Variants in SELENOI observed in about 807,000 individuals in gnomAD.
The protein encoded by SELENOI is selenoprotein I, also known as ethanolaminephosphotransferase 1.
In SELENOI, 24 loss-of-function variants were observed where a neutral mutation model predicts 50.7. The ratio of observed to expected loss-of-function variants is 0.47; its 90% CI spans 0.34 to 0.67. The LOEUF is 0.67. Ranked by LOEUF, SELENOI falls within the 30% of genes least tolerant of loss-of-function variation. SELENOI has a pLI of 0.01. For synonymous variants in SELENOI, 155 were observed against 170.2 expected (o/e 0.91, Z 0.70); for missense variants, 352 against 461.4 (o/e 0.76, Z 2.17).
At chr2:26,366,435 A>T (rs893035087) in intron 3 of SELENOI, among the ~76,000 whole-genome samples, 1 of 152,176 alleles carries the variant, frequency 6.6e-6, no homozygotes, top group African/African-American at 2.4e-5. Flanking sequence ...TTACTTAGCT[A>T]TTAACAGCAT....
chr2:26,365,795 CTTTTTTT>C (rs55900237), intron 3 of SELENOI, among the ~76,000 whole-genome samples: 2 of 108,410 alleles, frequency 1.8e-5, no homozygotes, highest in African/African-American at 4.3e-5. Context: ...ACACTTAAGA[CTTTTTTT>C]TTTTTTTTTT....
At chr2:26,384,535 C>A (rs1323522193) in intron 7 of SELENOI, among the ~76,000 whole-genome samples, 1 of 152,192 alleles carries the variant, frequency 6.6e-6, no homozygotes, top group Non-Finnish European at 1.5e-5. Context: ...AGCTGTCTTA[C>A]TCTAAGTTCT....
intron 1 of SELENOI, among the ~76,000 whole-genome samples, chr2:26,350,748 G>A (rs1459455321): frequency 6.6e-6 from 1 of 152,176 alleles, no homozygotes; most frequent in African/African-American, 2.4e-5. Context: ...CAGGGAGTGG[G>A]AGCTAGAGTT....
intron 1 of SELENOI, among the ~76,000 whole-genome samples, chr2:26,351,055 G>GTT (rs35623246): frequency 1.9e-3 from 193 of 102,820 alleles, no homozygotes; most frequent in Middle Eastern, 6.3e-3. Context: ...CTGTTTGTTT[G>GTT]TTTTTTTTTT....
At chr2:26,377,399 G>A (rs1677590331) in intron 6 of SELENOI, among the ~76,000 whole-genome samples, 1 of 152,166 alleles carries the variant, frequency 6.6e-6, no homozygotes. Flanking sequence ...AGAGGCTGAG[G>A]TGGGAGGATT....
At chr2:26,354,271 G>A (rs1313743395) in intron 1 of SELENOI, among the ~76,000 whole-genome samples, 1 of 152,050 alleles carries the variant, frequency 6.6e-6, no homozygotes, top group Non-Finnish European at 1.5e-5. Flanking sequence ...GTGGAGCTGA[G>A]ATTTGAACTC....
rs1270102663 is a variant in SELENOI, at chr2:26,391,882, A to G, written c.*2779A>G. The stretch of plus-strand genomic sequence containing the variant: ...GTGCAGTACACATTTTGACATTGCC[A>G]CAGTTTACAGTGTCATTCTTCCACG... On this transcript the variant is annotated 3_prime_UTR_variant, in exon 10 of 10. Transcript: ENST00000260585. 1 of 152,212 alleles carries G rather than the reference A, an allele frequency of 6.6e-6. No homozygotes were observed. Among genetic ancestry groups the G allele is most frequent in the Non-Finnish European group, 1.5e-5 (1 of 68,042 alleles). 9.4% of individuals were successfully genotyped at this position (152,212 alleles called of 1,614,324 possible).
intron 1 of SELENOI, among the ~76,000 whole-genome samples, chr2:26,355,154 CTT>C (rs927731580): frequency 3.9e-5 from 6 of 152,168 alleles, no homozygotes; most frequent in African/African-American, 1.4e-4. Context: ...ATAAATAAAA[CTT>C]GACATTTGTG....
At chr2:26,346,448 C>T (rs957855031) in intron 1 of SELENOI, 159 bp downstream of exon 1, 9 of 900,570 alleles carry the variant, frequency 1.0e-5, no homozygotes, top group Non-Finnish European at 1.4e-5. Flanking sequence ...GATTGGGGGT[C>T]GGGGAGCGTG....
At chr2:26,351,693 A>G (rs1055486625) in intron 1 of SELENOI, among the ~76,000 whole-genome samples, 4 of 152,154 alleles carry the variant, frequency 2.6e-5, no homozygotes, top group African/African-American at 4.8e-5. Flanking sequence ...TCAGAGGGGA[A>G]TGATTTGATG....
intron 4 of SELENOI, among the ~76,000 whole-genome samples, chr2:26,368,308 C>G (rs898129142): frequency 6.6e-6 from 1 of 152,180 alleles, no homozygotes; most frequent in African/African-American, 2.4e-5. Flanking sequence ...ATGAGCAGGT[C>G]TTTAAGTGCT....
intron 6 of SELENOI, among the ~76,000 whole-genome samples, chr2:26,382,251 G>GTA (rs1162761630): frequency 1.3e-5 from 2 of 152,202 alleles, no homozygotes; most frequent in Non-Finnish European, 2.9e-5. Flanking sequence ...GAGAGTATAA[G>GTA]TACGGTGGGG....
chr2:26,352,805 T>G (rs1254682972), intron 1 of SELENOI, among the ~76,000 whole-genome samples: 1 of 149,300 alleles, frequency 6.7e-6, no homozygotes, highest in Non-Finnish European at 1.5e-5. Context: ...AAAAAATTAG[T>G]GTCTTTCTCA....
intron 9 of SELENOI, among the ~76,000 whole-genome samples, chr2:26,387,571 C>T (rs913907299): frequency 6.6e-6 from 1 of 151,714 alleles, no homozygotes; most frequent in Non-Finnish European, 1.5e-5. Flanking sequence ...TGGTACAGGC[C>T]TGTAGTCCTA....
chr2:26,349,668 T>TA (rs1336430237), intron 1 of SELENOI, among the ~76,000 whole-genome samples: 2 of 97,518 alleles, frequency 2.1e-5, no homozygotes, highest in Admixed American at 1.6e-4. Context: ...AACTGCAAGT[T>TA]GGTTTTTTTT....
intron 4 of SELENOI, among the ~76,000 whole-genome samples, chr2:26,373,056 T>G (rs966188099): frequency 6.6e-6 from 1 of 152,082 alleles, no homozygotes; most frequent in African/African-American, 2.4e-5. Context: ...GCGTGGCTAA[T>G]TTTTAAATTT....
In SELENOI at chr2:26,373,580, A is replaced by T. The variant is rs1452044135; in HGVS notation, c.524A>T (p.Tyr175Phe). The T allele has an allele frequency of 6.2e-7, 1 of 1,613,890 alleles. No homozygotes were observed. Among genetic ancestry groups the T allele is most frequent in the Non-Finnish European group, 8.5e-7 (1 of 1,179,896 alleles). The change falls in exon 5 of 10, where the codon TAT (tyrosine) becomes TTT (phenylalanine). Residue 175 changes from tyrosine (Y) to phenylalanine (F), a missense_variant. Transcript: ENST00000260585. ...TTCATCCTGTCCCACTGGGAAAAGT[A>T]TAACACAGGGATTCTTTTCCTGCCA... The part of the protein sequence containing the change: ...FSFILSHWEK[Y>F]NTGILFLPWG...
rs1677979381 is a variant in SELENOI, at chr2:26,391,907, G to A, written c.*2804G>A. On this transcript the variant is annotated 3_prime_UTR_variant, in exon 10 of 10. Transcript: ENST00000260585. Reference sequence around the variant, plus strand: ...ACAGTTTACAGTGTCATTCTTCCACGAATAGGTAATTGATAGAGTTTATGG... The same window carrying A: ...ACAGTTTACAGTGTCATTCTTCCACAAATAGGTAATTGATAGAGTTTATGG... The A allele has an allele frequency of 6.6e-6, 1 of 152,238 alleles. No individual in the cohort carries two copies. Among genetic ancestry groups the A allele is most frequent in the South Asian group, 2.1e-4 (1 of 4,824 alleles). 9.4% of individuals were successfully genotyped at this position (152,238 alleles called of 1,614,324 possible). A position where few individuals can be genotyped will look rare whatever the true frequency, so the allele number is the denominator to read the frequency against.
At chr2:26,372,920 G>A (rs998028182) in intron 4 of SELENOI, among the ~76,000 whole-genome samples, 40 of 152,154 alleles carry the variant, frequency 2.6e-4, no homozygotes, top group African/African-American at 9.2e-4. Context: ...GCAGGATCTC[G>A]CTCTGTTGCC....
Sources: allele counts gnomAD v4.1 joint callset (sites outside exome capture counted in the v4.1 genomes callset), GRCh38; gene constraint gnomAD v4.1.1; transcripts MANE v1.5; gene names NCBI Gene and HGNC (gene_info 2026-07-23, HGNC 2026-07-21).